Variants in SPMIP8 observed in about 807,000 individuals in gnomAD.
The protein encoded by SPMIP8 is sperm microtubule inner protein 8, also known as testicular tissue protein Li 196.
At chr16:57,978,804 G>C in the SPMIP8 span, among the ~76,000 whole-genome samples, 6 of 152,004 alleles carry the variant, frequency 3.9e-5, no homozygotes, top group Non-Finnish European at 7.4e-5. Context: ...TATTTGTAGA[G>C]ACAGGGTCTC....
At chr16:57,984,407 C>T in the SPMIP8 span, 5 of 1,593,490 alleles carry the variant, frequency 3.1e-6, no homozygotes, top group Non-Finnish European at 3.4e-6. Flanking sequence ...TAAGGGGCAC[C>T]AGCCCCAAGC....
the SPMIP8 span, among the ~76,000 whole-genome samples, chr16:57,979,941 G>A: frequency 3.3e-5 from 5 of 152,142 alleles, no homozygotes; most frequent in Non-Finnish European, 7.3e-5. Flanking sequence ...GGTGGCGGGT[G>A]CCTGTAATCC....
At chr16:57,987,805 C>A in the SPMIP8 span, 1 of 211,982 alleles carries the variant, frequency 4.7e-6, no homozygotes, top group Non-Finnish European at 9.3e-6. Context: ...GCCCCACACC[C>A]AAGCCCCCTC....
the SPMIP8 span, among the ~76,000 whole-genome samples, chr16:57,981,842 T>C: frequency 5.9e-5 from 9 of 152,086 alleles, no homozygotes; most frequent in African/African-American, 1.2e-4. Flanking sequence ...TGGTCATTTA[T>C]TGTGTCTAAA....
At chr16:57,985,626 C>A in the SPMIP8 span, 3 of 1,499,612 alleles carry the variant, frequency 2.0e-6, no homozygotes, top group South Asian at 2.7e-5. Flanking sequence ...AGCGCACAGG[C>A]AATGCCCCTT....
chr16:57,986,003 A>G, the SPMIP8 span: 2 of 1,539,766 alleles, frequency 1.3e-6, no homozygotes, highest in Non-Finnish European at 1.8e-6. Context: ...TGCTGGGGAC[A>G]GCCTCGGGGC....
the SPMIP8 span, among the ~76,000 whole-genome samples, chr16:57,982,183 T>A: frequency 6.6e-6 from 1 of 152,198 alleles, no homozygotes; most frequent in Non-Finnish European, 1.5e-5. Flanking sequence ...TCCTTCTACA[T>A]GACACAATAC....
the SPMIP8 span, among the ~76,000 whole-genome samples, chr16:57,983,376 A>G: frequency 9.9e-5 from 15 of 152,150 alleles, no homozygotes; most frequent in East Asian, 3.9e-4. Flanking sequence ...TATTTTTTCC[A>G]TTTGTTTTTT....
the SPMIP8 span, among the ~76,000 whole-genome samples, chr16:57,981,392 A>AATTATTATTATTATAATAATAATT: frequency 1.2e-5 from 1 of 83,586 alleles, no homozygotes; most frequent in Non-Finnish European, 3.0e-5. Flanking sequence ...TAATAATAAT[A>AATTATTATTATTATAATAATAATT]ATTATTATTA....
At chr16:57,985,605 G>T in the SPMIP8 span, 1 of 1,524,594 alleles carries the variant, frequency 6.6e-7, no homozygotes, top group African/African-American at 1.4e-5. Context: ...TGAGGTCTGG[G>T]CCGCTTTCCT....
chr16:57,981,074 G>A, the SPMIP8 span, among the ~76,000 whole-genome samples: 5 of 152,082 alleles, frequency 3.3e-5, no homozygotes, highest in Non-Finnish European at 7.4e-5. Flanking sequence ...CATGGCCTTA[G>A]GTCCTGTTAA....
chr16:57,977,562 T>A, the SPMIP8 span, among the ~76,000 whole-genome samples: 5 of 130,574 alleles, frequency 3.8e-5, no homozygotes, highest in Admixed American at 2.9e-4. Flanking sequence ...ACAATGTGAG[T>A]GTGTGTGTGT....
the SPMIP8 span, chr16:57,984,807 C>T: frequency 3.1e-6 from 5 of 1,604,420 alleles, no homozygotes; most frequent in Admixed American, 6.8e-5. Context: ...CCTGAGGAAG[C>T]GAGGTCAGTC....
chr16:57,977,254 A>G, the SPMIP8 span, among the ~76,000 whole-genome samples: 1 of 152,046 alleles, frequency 6.6e-6, no homozygotes, highest in Admixed American at 6.6e-5. Context: ...TACTAAAAAT[A>G]CAAAAACTAG....
the SPMIP8 span, chr16:57,985,309 G>A: frequency 1.3e-6 from 2 of 1,555,790 alleles, no homozygotes; most frequent in Non-Finnish European, 1.7e-6. Flanking sequence ...AGCGGGGAGC[G>A]GGGGTCCTGG....
chr16:57,977,363 T>C, the SPMIP8 span, among the ~76,000 whole-genome samples: 1 of 131,650 alleles, frequency 7.6e-6, no homozygotes, highest in African/African-American at 2.8e-5. Context: ...TGAGCCAAGA[T>C]GGCGCCACTG....
At chr16:57,986,150 G>T in the SPMIP8 span, 570 of 515,436 alleles carry the variant, frequency 1.1e-3, 7 homozygotes, top group African/African-American at 0.01. Context: ...GGGTGGACGC[G>T]GGAGGGGGTC....
At chr16:57,979,428 A>G in the SPMIP8 span, among the ~76,000 whole-genome samples, 129,149 of 152,260 alleles carry the variant, frequency 0.85, 55,611 homozygotes, top group African/African-American at 0.95. Context: ...GGGGTTCCCC[A>G]CAGACTGTGC....
the SPMIP8 span, among the ~76,000 whole-genome samples, chr16:57,981,407 A>ATTATTATTATTATTATTATT: frequency 2.0e-4 from 11 of 56,394 alleles, no homozygotes; most frequent in Non-Finnish European, 5.9e-4. Context: ...TTATTATTAT[A>ATTATTATTATTATTATTATT]ATAATAATTA....
Sources: gnomAD v4.1 joint callset for allele counts (sites outside exome capture counted in the v4.1 genomes callset) on GRCh38, gnomAD v4.1.1 for gene constraint, MANE v1.5 for transcripts, NCBI Gene and HGNC (gene_info 2026-07-23, HGNC 2026-07-21) for gene names.